CLIC5: variants seen among roughly 807,000 people sequenced by gnomAD.
CLIC5 encodes the protein CLIC family member 5.
A neutral mutation model predicts 24.7 loss-of-function variants in CLIC5; 20 were observed. The ratio of observed to expected loss-of-function variants is 0.81; its 90% CI spans 0.57 to 1.18. The LOEUF is 1.18. Ranked by LOEUF, CLIC5 falls within the 50% of genes most tolerant of loss-of-function variation. The pLI, the probability that CLIC5 is intolerant of heterozygous loss-of-function variation, is 0.00. For missense variants in CLIC5, 341 were observed against 326.1 expected, an observed-to-expected ratio of 1.05 and a Z score of -0.35; for synonymous variants, 159 against 135.6, an observed-to-expected ratio of 1.17 and a Z score of -1.20.
chr6:45,936,068 G>T (rs1321253778), intron 4 of CLIC5, among the ~76,000 whole-genome samples: 1 of 151,792 alleles, frequency 6.6e-6, no homozygotes, highest in Non-Finnish European at 1.5e-5. Flanking sequence ...TCCCATCTAT[G>T]TGATTGATCC....
At chr6:46,089,114 G>C in the CLIC5 span, among the ~76,000 whole-genome samples, 4 of 152,168 alleles carry the variant, frequency 2.6e-5, no homozygotes, top group African/African-American at 9.7e-5. Context: ...GGTAAGGAGT[G>C]GGTAGAAGTA....
At chr6:45,916,580 G>T (rs1763039679) in intron 4 of CLIC5, among the ~76,000 whole-genome samples, 1 of 152,064 alleles carries the variant, frequency 6.6e-6, no homozygotes, top group South Asian at 2.1e-4. Context: ...ATGAGACATT[G>T]CAGGTTCTAA....
intron 2 of CLIC5, among the ~76,000 whole-genome samples, chr6:45,953,731 G>C (rs998996849): frequency 6.6e-6 from 1 of 152,120 alleles, no homozygotes; most frequent in Non-Finnish European, 1.5e-5. Flanking sequence ...AATAACCTTA[G>C]AATCACATAA....
At chr6:46,045,282 G>T (rs542692637) in intron 1 of CLIC5, among the ~76,000 whole-genome samples, 1 of 152,112 alleles carries the variant, frequency 6.6e-6, no homozygotes, top group Non-Finnish European at 1.5e-5. Flanking sequence ...GAAAAGATTG[G>T]CTTCTATAAT....
intron 4 of CLIC5, among the ~76,000 whole-genome samples, chr6:45,925,464 G>A (rs556131882): frequency 1.7e-4 from 26 of 152,100 alleles, no homozygotes; most frequent in Middle Eastern, 3.4e-3. Context: ...CTACAGGCGC[G>A]TGCCACCACG....
chr6:46,125,985 A>G, the CLIC5 span, among the ~76,000 whole-genome samples: 5 of 152,150 alleles, frequency 3.3e-5, no homozygotes, highest in East Asian at 9.6e-4. Context: ...AATGGAGTAA[A>G]ATTGGCTCCA....
At chr6:46,002,790 C>T (rs1194637635) in intron 1 of CLIC5, among the ~76,000 whole-genome samples, 1 of 152,184 alleles carries the variant, frequency 6.6e-6, no homozygotes, top group African/African-American at 2.4e-5. Flanking sequence ...TCTAACTCAC[C>T]CAATCTGGTA....
intron 1 of CLIC5, among the ~76,000 whole-genome samples, chr6:45,956,757 G>A (rs1764657869): frequency 6.6e-6 from 1 of 152,106 alleles, no homozygotes; most frequent in Non-Finnish European, 1.5e-5. Flanking sequence ...TACACCAAAA[G>A]CCCCACTCCC....
intron 1 of CLIC5, among the ~76,000 whole-genome samples, chr6:45,995,833 G>A (rs941501882): frequency 2.6e-5 from 4 of 152,098 alleles, no homozygotes; most frequent in African/African-American, 9.7e-5. Flanking sequence ...GAAGCTCAAA[G>A]CCATTATCCT....
intron 1 of CLIC5, among the ~76,000 whole-genome samples, chr6:45,985,861 G>A (rs1281418471): frequency 6.6e-6 from 1 of 152,088 alleles, no homozygotes; most frequent in East Asian, 1.9e-4. Flanking sequence ...GTTTGGCTGT[G>A]TACCCACCCA....
At chr6:46,009,631 A>G (rs901571020) in intron 1 of CLIC5, among the ~76,000 whole-genome samples, 23 of 152,192 alleles carry the variant, frequency 1.5e-4, no homozygotes, top group Admixed American at 2.0e-4. Flanking sequence ...CATTTTCCCC[A>G]TAATCCTGGT....
At chr6:46,010,645 T>A (rs1555218) in intron 1 of CLIC5, among the ~76,000 whole-genome samples, 64,413 of 151,700 alleles carry the variant, frequency 0.42, 13,826 homozygotes, top group Middle Eastern at 0.56. Context: ...GCAGGAGCTC[T>A]CAACACTGGC....
At chr6:45,956,140 T>C (rs1764634125) in intron 1 of CLIC5, among the ~76,000 whole-genome samples, 1 of 152,208 alleles carries the variant, frequency 6.6e-6, no homozygotes, top group African/African-American at 2.4e-5. Context: ...AAGTCCATCT[T>C]TACTGCACTT....
intron 1 of CLIC5, among the ~76,000 whole-genome samples, chr6:45,965,222 A>T (rs1011884274): frequency 2.0e-5 from 3 of 152,188 alleles, no homozygotes; most frequent in African/African-American, 7.2e-5. Flanking sequence ...ATGAAGGGAG[A>T]GAGGGAAAAG....
intron 4 of CLIC5, among the ~76,000 whole-genome samples, chr6:45,928,629 A>G (rs1763597210): frequency 6.6e-6 from 1 of 152,178 alleles, no homozygotes; most frequent in Non-Finnish European, 1.5e-5. Context: ...TCCCATCATG[A>G]ATATATTGTG....
upstream of CLIC5, among the ~76,000 whole-genome samples, chr6:46,020,243 T>A (rs532594349): frequency 4.6e-5 from 7 of 152,310 alleles, no homozygotes; most frequent in Admixed American, 4.6e-4. Context: ...CTGACCATAA[T>A]GGAATCAATT....
intron 2 of CLIC5, 99 bp from the exon 3 acceptor site, chr6:45,949,480 A>G: frequency 1.5e-6 from 2 of 1,317,818 alleles, no homozygotes; most frequent in East Asian, 2.4e-5. Context: ...TGTGCTATCC[A>G]ACATGCCTGT....
At chr6:46,026,364 T>C (rs1455519806) in intron 1 of CLIC5, among the ~76,000 whole-genome samples, 2 of 152,170 alleles carry the variant, frequency 1.3e-5, no homozygotes, top group African/African-American at 2.4e-5. Context: ...CTCAAAGAAA[T>C]AGAATAAAAC....
At chr6:45,916,576 C>A (rs1384737903) in intron 4 of CLIC5, among the ~76,000 whole-genome samples, 1 of 152,094 alleles carries the variant, frequency 6.6e-6, no homozygotes. Flanking sequence ...GGAGATGAGA[C>A]ATTGCAGGTT....
Sources: allele counts gnomAD v4.1 joint callset (sites outside exome capture counted in the v4.1 genomes callset), GRCh38; gene constraint gnomAD v4.1.1; transcripts MANE v1.5; gene names NCBI Gene and HGNC (gene_info 2026-07-23, HGNC 2026-07-21).